CNOT1: variants seen among roughly 807,000 people sequenced by gnomAD.
CNOT1 encodes CCR4-associated factor 1.
CNOT1 carries 15 observed loss-of-function variants against 273.8 expected under a neutral mutation model. The ratio of observed to expected loss-of-function variants is 0.05; its 90% CI spans 0.04 to 0.08. CNOT1 has a LOEUF of 0.08. Ranked by LOEUF, CNOT1 falls within the 10% of genes least tolerant of loss-of-function variation. The pLI, the probability that CNOT1 is intolerant of heterozygous loss-of-function variation, is 1.00. For synonymous variants in CNOT1, 1,022 were observed against 1,005.5 expected, an observed-to-expected ratio of 1.02 and a Z score of -0.31; for missense variants, 1,644 against 2,912.2, an observed-to-expected ratio of 0.56 and a Z score of 10.02.
intron 16 of CNOT1, among the ~76,000 whole-genome samples, chr16:58,570,605 G>C (rs1456857966): frequency 6.6e-6 from 1 of 152,186 alleles, no homozygotes; most frequent in Non-Finnish European, 1.5e-5. Flanking sequence ...GCAACAGAAT[G>C]AAACCCTGTC....
chr16:58,629,046 G>C lies in CNOT1; in HGVS notation c.-175+682C>G, dbSNP rs1597642099. Among the ~76,000 whole-genome samples, 2 of 152,242 alleles carry C rather than the reference G, an allele frequency of 1.3e-5. 1 individual carries two copies. Among genetic ancestry groups the C allele is most frequent in the South Asian group, 4.1e-4 (2 of 4,836 alleles). The stretch of plus-strand genomic sequence containing the variant: ...CTGCAGACACCGGACCGAGTAGGTG[G>C]GGGCCAACTTCAAAGAAAGTGTGAG... On this transcript the variant is annotated intron_variant, in intron 1 of 48. Transcript: ENST00000317147.
intron 38 of CNOT1, 115 bp from the exon 39 acceptor site, chr16:58,537,335 C>T (rs2039956810): frequency 7.1e-7 from 1 of 1,414,772 alleles, no homozygotes; most frequent in Non-Finnish European, 9.4e-7. Context: ...TACCACTTCG[C>T]TTTACCACTT....
chr16:58,543,300 AC>A, intron 31 of CNOT1: 1 of 1,547,794 alleles, frequency 6.5e-7, no homozygotes, highest in Non-Finnish European at 8.7e-7. Flanking sequence ...TTCCTGGTTA[AC>A]AGAAATGAGA....
At position 58,574,631 on chromosome 16, in the gene CNOT1, C is replaced by T. The variant is rs780462497; in HGVS notation, c.1957G>A (p.Ala653Thr). 1 of 1,598,640 alleles carries T rather than the reference C, an allele frequency of 6.3e-7. No individual in the cohort carries two copies. The highest frequency in any genetic ancestry group is 8.5e-7 in the Non-Finnish European group (1 of 1,176,820). The change falls in exon 16 of 49, where the codon GCC becomes ACC. Residue 653 changes from alanine (A) to threonine (T), a missense_variant. Physicochemically the swap from Ala to Thr is moderately conservative, Grantham distance 58. Coordinates refer to ENST00000317147, the MANE Select transcript of CNOT1 (RefSeq NM_016284.5). The stretch of plus-strand genomic sequence containing the variant: ...TACCCTGCACAAGCTTGCAGACAGG[C>T]CAACATTGTCGCCAAAGTTTCTGGA... ...LPPETLATML[A>T]CLQACAGSVS...
intron 17 of CNOT1, among the ~76,000 whole-genome samples, chr16:58,559,470 T>G (rs1179786258): frequency 1.3e-5 from 2 of 151,754 alleles, no homozygotes; most frequent in Non-Finnish European, 2.9e-5. Context: ...CCAAAATAAA[T>G]TTAGTCGAAA....
At chr16:58,553,464 T>A (rs1162372183) in intron 22 of CNOT1, among the ~76,000 whole-genome samples, 1 of 152,192 alleles carries the variant, frequency 6.6e-6, no homozygotes, top group African/African-American at 2.4e-5. Context: ...AGGCAGGGTG[T>A]CTGTACTTTA....
At chr16:58,527,304 G>A (rs192988671) in intron 44 of CNOT1, among the ~76,000 whole-genome samples, 2 of 151,644 alleles carry the variant, frequency 1.3e-5, no homozygotes, top group African/African-American at 2.4e-5. Context: ...CAGGCAGATC[G>A]TGAGGTCAGG....
chr16:58,592,773 A>G (rs1488742651), intron 2 of CNOT1, among the ~76,000 whole-genome samples: 2 of 152,210 alleles, frequency 1.3e-5, no homozygotes, highest in African/African-American at 4.8e-5. Context: ...GCCATGAAAG[A>G]AAAAAGTTGT....
intron 14 of CNOT1, among the ~76,000 whole-genome samples, chr16:58,575,389 C>T (rs1357393796): frequency 6.6e-6 from 1 of 152,118 alleles, no homozygotes; most frequent in East Asian, 1.9e-4. Flanking sequence ...ATAACTAAAC[C>T]TAGAGCAGAA....
chr16:58,618,168 T>C (rs1387166161), intron 1 of CNOT1, among the ~76,000 whole-genome samples: 2 of 151,974 alleles, frequency 1.3e-5, no homozygotes, highest in African/African-American at 2.4e-5. Context: ...ATTGTGTACT[T>C]GCACCTGCAA....
intron 17 of CNOT1, among the ~76,000 whole-genome samples, chr16:58,559,600 G>A (rs527702010): frequency 4.5e-4 from 68 of 152,250 alleles, no homozygotes; most frequent in African/African-American, 1.5e-3. Flanking sequence ...AGGCTTAAGT[G>A]TGTGGCACTA....
chr16:58,551,542 C>T (rs745786241), intron 23 of CNOT1, 47 bp downstream of exon 23: 5 of 1,551,130 alleles, frequency 3.2e-6, no homozygotes, highest in Admixed American at 1.7e-5. Flanking sequence ...CTGATTATTA[C>T]AATATAATCA....
intron 1 of CNOT1, 22 bp from the exon 2 acceptor site, chr16:58,599,533 C>A (rs993037836): frequency 1.6e-6 from 1 of 609,184 alleles, no homozygotes; most frequent in Non-Finnish European, 2.7e-6. Flanking sequence ...AACACACACA[C>A]ACAAATCCAG....
At chr16:58,595,146 T>C (rs1481758016) in intron 2 of CNOT1, among the ~76,000 whole-genome samples, 2 of 151,226 alleles carry the variant, frequency 1.3e-5, no homozygotes, top group Non-Finnish European at 2.9e-5. Flanking sequence ...TTTTACAACC[T>C]ATGGATATTT....
At chr16:58,551,093 A>G in intron 24 of CNOT1, 39 bp downstream of exon 24, 1 of 1,600,062 alleles carries the variant, frequency 6.2e-7, no homozygotes, top group Non-Finnish European at 8.5e-7. Flanking sequence ...TCCATTAAGG[A>G]AAAAAGAAGG....
chr16:58,540,075 AT>A (rs2040043174), intron 34 of CNOT1, 116 bp from the exon 35 acceptor site: 1 of 1,052,552 alleles, frequency 9.5e-7, no homozygotes, highest in Non-Finnish European at 1.3e-6. Context: ...TTATTTTTAC[AT>A]TCAAACATGG....
intron 1 of CNOT1, among the ~76,000 whole-genome samples, chr16:58,624,028 C>T (rs904665996): frequency 6.6e-6 from 1 of 151,664 alleles, no homozygotes; most frequent in Admixed American, 6.6e-5. Flanking sequence ...GAGAGTTCTA[C>T]ATAAGCCACT....
intron 2 of CNOT1, among the ~76,000 whole-genome samples, chr16:58,589,668 T>C (rs374835105): frequency 2.6e-5 from 4 of 152,280 alleles, no homozygotes; most frequent in East Asian, 3.9e-4. Context: ...GGTTTTTTTT[T>C]AAGGCAACAA....
chr16:58,534,422 A>T, intron 39 of CNOT1, 27 bp from the exon 40 acceptor site: 1 of 1,608,368 alleles, frequency 6.2e-7, no homozygotes. Flanking sequence ...AAATAAAGAC[A>T]CAATGAGGTA....
Sources: gnomAD v4.1 joint callset for allele counts (sites outside exome capture counted in the v4.1 genomes callset) on GRCh38, gnomAD v4.1.1 for gene constraint, MANE v1.5 for transcripts, NCBI Gene and HGNC (gene_info 2026-07-23, HGNC 2026-07-21) for gene names.